The following WWOX variants were observed in gnomAD, a reference collection of about 807,000 sequenced individuals.
The protein encoded by WWOX is WW domain-containing oxidoreductase.
Under a neutral mutation model 46.2 loss-of-function variants are expected in WWOX, and 69 were observed. The ratio of observed to expected loss-of-function variants is 1.49; its 90% CI spans 1.23 to 1.82. The LOEUF is 1.82. Ranked by LOEUF, WWOX falls within the 40% of genes most tolerant of loss-of-function variation. The pLI is 0.00. For missense variants in WWOX, 919 were observed against 542.6 expected (o/e 1.69, Z -6.89); for synonymous variants, 359 against 202.6 (o/e 1.77, Z -6.56).
intron 5 of WWOX, among the ~76,000 whole-genome samples, chr16:78,372,016 G>A (rs962612966): frequency 1.3e-5 from 2 of 152,102 alleles, no homozygotes; most frequent in East Asian, 1.9e-4. Context: ...TTGAAGAAGT[G>A]TACCTCCCTT....
At chr16:78,762,627 C>T (rs1462353068) in intron 8 of WWOX, among the ~76,000 whole-genome samples, 1 of 152,186 alleles carries the variant, frequency 6.6e-6, no homozygotes, top group African/African-American at 2.4e-5. Flanking sequence ...AGGAGGGGTG[C>T]TTCCCAGGGA....
At chr16:78,342,428 C>G (rs1234618246) in intron 5 of WWOX, among the ~76,000 whole-genome samples, 1 of 120,986 alleles carries the variant, frequency 8.3e-6, no homozygotes, top group Non-Finnish European at 2.0e-5. Context: ...GTCAAGGACT[C>G]TGTAACAGGA....
rs1316170315 is a variant in WWOX, at chr16:79,027,761, TTTTTTGATATAGATGTCTC to T, written c.1057-183844_1057-183826del. On this transcript the variant is annotated intron_variant, in intron 8 of 8. Transcript: ENST00000566780. The stretch of plus-strand genomic sequence containing the variant: ...TGTCTCTTTTTTGATTTAGATGTCT[TTTTTTGATATAGATGTCTC>T]TTGATATAGAAGCATTTCTCGGGAT... Among the ~76,000 whole-genome samples, 6 of 151,924 alleles carry T rather than the reference TTTTTTGATATAGATGTCTC, an allele frequency of 3.9e-5. 1 individual carries two copies. The highest frequency in any genetic ancestry group is 3.4e-3 in the Middle Eastern group (1 of 294).
intron 8 of WWOX, among the ~76,000 whole-genome samples, chr16:79,043,410 C>A (rs114931735): frequency 1.6e-4 from 24 of 152,108 alleles, no homozygotes; most frequent in African/African-American, 5.1e-4. Flanking sequence ...AAATTAAGAC[C>A]AACATTGAGG....
chr16:79,006,304 C>A (rs924434549), intron 8 of WWOX, among the ~76,000 whole-genome samples: 1 of 152,078 alleles, frequency 6.6e-6, no homozygotes, highest in Non-Finnish European at 1.5e-5. Flanking sequence ...GCGGGAAGTC[C>A]AGGGACACAC....
intron 8 of WWOX, among the ~76,000 whole-genome samples, chr16:78,465,668 T>C (rs551603370): frequency 7.9e-5 from 12 of 152,386 alleles, no homozygotes; most frequent in Non-Finnish European, 1.5e-4. Context: ...ATTTACTCCC[T>C]TGTAAATGTT....
chr16:79,019,946 A>C (rs1335296331), intron 8 of WWOX, among the ~76,000 whole-genome samples: 2 of 152,150 alleles, frequency 1.3e-5, no homozygotes, highest in Admixed American at 6.5e-5. Context: ...CATCCATACC[A>C]AGCACACAGC....
chr16:78,544,734 G>T (rs370176064), intron 8 of WWOX, among the ~76,000 whole-genome samples: 5 of 151,652 alleles, frequency 3.3e-5, no homozygotes, highest in Admixed American at 6.6e-5. Context: ...AATTAGCTGG[G>T]TATGGTTGTG....
At chr16:79,159,371 G>C (rs184906564) in intron 8 of WWOX, among the ~76,000 whole-genome samples, 29 of 152,270 alleles carry the variant, frequency 1.9e-4, no homozygotes, top group Non-Finnish European at 4.0e-4. Flanking sequence ...GCAAGTACTG[G>C]CTAGATGAAT....
intron 8 of WWOX, among the ~76,000 whole-genome samples, chr16:78,443,104 C>G (rs945409003): frequency 9.6e-5 from 14 of 146,536 alleles, no homozygotes; most frequent in African/African-American, 3.4e-4. Context: ...CCACTGCACT[C>G]CAGCCTGCGT....
At chr16:79,036,539 T>G (rs376314834) in intron 8 of WWOX, among the ~76,000 whole-genome samples, 1 of 152,226 alleles carries the variant, frequency 6.6e-6, no homozygotes, top group Non-Finnish European at 1.5e-5. Context: ...GTCAGGGCTT[T>G]CCTCTGCCTG....
chr16:79,052,173 A>T (rs530606462), intron 8 of WWOX, among the ~76,000 whole-genome samples: 2 of 151,762 alleles, frequency 1.3e-5, no homozygotes, highest in African/African-American at 4.8e-5. Flanking sequence ...ATATCTCCCA[A>T]TGCTATCCCT....
At chr16:78,120,225 G>T (rs2033020095) in intron 4 of WWOX, among the ~76,000 whole-genome samples, 1 of 152,136 alleles carries the variant, frequency 6.6e-6, no homozygotes, top group Non-Finnish European at 1.5e-5. Context: ...AAAAGTACGT[G>T]CTCAAGGTAT....
chr16:79,199,973 G>A (rs1472520836), intron 8 of WWOX, among the ~76,000 whole-genome samples: 1 of 152,160 alleles, frequency 6.6e-6, no homozygotes, highest in African/African-American at 2.4e-5. Flanking sequence ...TAACTGTGGG[G>A]GCAGAGAGTT....
At chr16:78,775,113 A>C (rs375946078) in intron 8 of WWOX, among the ~76,000 whole-genome samples, 1 of 152,138 alleles carries the variant, frequency 6.6e-6, no homozygotes, top group Non-Finnish European at 1.5e-5. Context: ...CACTCCATCA[A>C]ATGTGGCTGT....
chr16:79,028,045 G>A (rs920322087), intron 8 of WWOX, among the ~76,000 whole-genome samples: 2 of 151,712 alleles, frequency 1.3e-5, no homozygotes, highest in Non-Finnish European at 2.9e-5. Context: ...TCTGCCTCCT[G>A]GGTTCACGCC....
chr16:78,105,621 T>G (rs541625627), intron 1 of WWOX, among the ~76,000 whole-genome samples: 1 of 152,246 alleles, frequency 6.6e-6, no homozygotes, highest in Admixed American at 6.5e-5. Context: ...TGAGTGAGTT[T>G]TGTAGTTCCT....
intron 8 of WWOX, among the ~76,000 whole-genome samples, chr16:79,173,877 G>A (rs931769682): frequency 2.6e-5 from 4 of 152,168 alleles, no homozygotes; most frequent in Admixed American, 1.3e-4. Context: ...GGGAGAGGAC[G>A]GTGGGTGATA....
intron 8 of WWOX, among the ~76,000 whole-genome samples, chr16:78,908,373 C>G (rs1276108755): frequency 6.6e-6 from 1 of 151,998 alleles, no homozygotes; most frequent in Non-Finnish European, 1.5e-5. Context: ...AACCCCATCC[C>G]TACTAAAGAT....
Sources: gnomAD v4.1 joint callset for allele counts (sites outside exome capture counted in the v4.1 genomes callset) on GRCh38, gnomAD v4.1.1 for gene constraint, MANE v1.5 for transcripts, NCBI Gene and HGNC (gene_info 2026-07-23, HGNC 2026-07-21) for gene names.